RNF24: variants seen among roughly 807,000 people sequenced by gnomAD.
RNF24 encodes ring finger protein 24.
Under a neutral mutation model 20.0 loss-of-function variants are expected in RNF24, and 14 were observed. The ratio of observed to expected loss-of-function variants is 0.70; its 90% CI spans 0.46 to 1.10. The LOEUF is 1.10. Ranked by LOEUF, RNF24 falls within the 50% of genes least tolerant of loss-of-function variation. The probability of loss-of-function intolerance (pLI) is 0.00; values close to 1 mark genes in which losing one functional copy is unlikely to be tolerated. For synonymous variants in RNF24, 45 were observed against 61.1 expected (o/e 0.74, Z 1.23); for missense variants, 124 against 177.6 (o/e 0.70, Z 1.71).
intron 1 of RNF24, among the ~76,000 whole-genome samples, chr20:4,008,391 TATATATGTA>T (rs1568672501): frequency 5.5e-4 from 2 of 3,616 alleles, no homozygotes; most frequent in African/African-American, 1.8e-3. Flanking sequence ...ATATATATAT[TATATATGTA>T]ATATGTATAA....
chr20:3,994,114 A>C (rs1040204829), intron 1 of RNF24, among the ~76,000 whole-genome samples: 1 of 152,234 alleles, frequency 6.6e-6, no homozygotes, highest in Non-Finnish European at 1.5e-5. Context: ...ATTAAAATTA[A>C]TCAATGTTCA....
chr20:3,963,956 G>A lies in RNF24; in HGVS notation c.62C>T (p.Pro21Leu), dbSNP rs201287302. The A allele has an allele frequency of 6.2e-7, 1 of 1,612,784 alleles. No individual in the cohort carries two copies. Among genetic ancestry groups the A allele is most frequent in the East Asian group, 2.2e-5 (1 of 44,826 alleles). ...RMPNIGFQNLPLNIYIVVFGT... is the reference protein window; with the variant it reads ...RMPNIGFQNLLLNIYIVVFGT... The stretch of plus-strand genomic sequence containing the variant: ...AAAAACCACAATATATATGTTGAGA[G>A]GCAGATTCTGGAATCCAATATTAGG... The change falls in exon 2 of 6, where the codon CCT (proline) becomes CTT (leucine). Residue 21 changes from proline (P) to leucine (L), a missense_variant. Physicochemically the swap from Pro to Leu is moderately conservative, Grantham distance 98. Coordinates refer to ENST00000358395, the MANE Select transcript of RNF24 (RefSeq NM_001134337.3).
chr20:4,010,615 C>T (rs1443321825), intron 1 of RNF24, among the ~76,000 whole-genome samples: 8 of 152,104 alleles, frequency 5.3e-5, no homozygotes, highest in Admixed American at 4.6e-4. Context: ...ACCTGACAGC[C>T]GTCATGTTGG....
chr20:3,934,180 C>T lies in RNF24; in HGVS notation c.330G>A (p.Glu110=), dbSNP rs760071792. The change falls in exon 6 of 6, where the codon GAG becomes GAA. Residue 110 remains glutamate, a synonymous_variant. Transcript: ENST00000358395. The surrounding 1 kb of genome is among the most constrained non-coding windows in gnomAD (Gnocchi z 4.0). ...FHRKCLIKWL[E]VRKVCPLCNM... is the part of the protein sequence containing the mutation. The stretch of plus-strand genomic sequence containing the variant: ...TGCACAGGGGACACACTTTACGAAC[C>T]TCCAGCCACTTAATAAGGCACCTGC... 5 of 1,607,014 alleles carry T rather than the reference C, an allele frequency of 3.1e-6. No homozygotes were observed. In the Admixed American group the frequency reaches 8.4e-5, roughly 27 times the overall value.
chr20:3,986,904 C>CT (rs1166447450), intron 1 of RNF24, among the ~76,000 whole-genome samples: 4 of 151,570 alleles, frequency 2.6e-5, no homozygotes, highest in Admixed American at 1.3e-4. Context: ...CCACCTTGGC[C>CT]TTTTTTTTCT....
chr20:3,943,773 G>A (rs761196741), intron 4 of RNF24, among the ~76,000 whole-genome samples: 10 of 152,158 alleles, frequency 6.6e-5, no homozygotes, highest in Non-Finnish European at 1.3e-4. Flanking sequence ...CAGTAAGGAA[G>A]ACTTCTGTTC....
chr20:3,933,106 T>C lies in RNF24; in HGVS notation c.*957A>G, dbSNP rs1430322589. 1.0e-5 allele frequency: 3 copies of C among 292,888 alleles called. No individual in the cohort carries two copies. The highest frequency in any genetic ancestry group is 7.3e-5 in the Admixed American group (1 of 13,654). 18.1% of individuals were successfully genotyped at this position (292,888 alleles called of 1,614,324 possible). On this transcript the variant is annotated 3_prime_UTR_variant, in exon 6 of 6. Transcript: ENST00000358395. ...TTTTTTTCTGAAGTAGAAAGAGAGATAGGGCAAGAGAGAGAAGAGATGGAA... is the reference window on the plus strand; with the variant it reads ...TTTTTTTCTGAAGTAGAAAGAGAGACAGGGCAAGAGAGAGAAGAGATGGAA...
intron 1 of RNF24, among the ~76,000 whole-genome samples, chr20:3,973,482 A>G (rs1204321124): frequency 7.2e-6 from 1 of 138,074 alleles, no homozygotes; most frequent in African/African-American, 2.7e-5. Flanking sequence ...AACACTGACA[A>G]ATCTCTAGGA....
chr20:3,962,195 A>C (rs1357239091), intron 2 of RNF24, among the ~76,000 whole-genome samples: 1 of 152,080 alleles, frequency 6.6e-6, no homozygotes, highest in Non-Finnish European at 1.5e-5. Flanking sequence ...TCTACCAAAA[A>C]TACAAAAAAA....
intron 2 of RNF24, among the ~76,000 whole-genome samples, chr20:3,962,589 G>A (rs2091214417): frequency 6.6e-6 from 1 of 151,988 alleles, no homozygotes; most frequent in Non-Finnish European, 1.5e-5. Context: ...CTTAAAAGTG[G>A]CAGTACTTTT....
intron 2 of RNF24, among the ~76,000 whole-genome samples, chr20:3,954,161 T>TC (rs2091115172): frequency 6.6e-6 from 1 of 152,200 alleles, no homozygotes; most frequent in Non-Finnish European, 1.5e-5. Flanking sequence ...CACAATGTTG[T>TC]CCATCTACCA....
chr20:3,992,260 C>T lies in RNF24; in HGVS notation c.-8+23177G>A, dbSNP rs141568788. On this transcript the variant is annotated intron_variant, in intron 1 of 5. Transcript: ENST00000358395. ...TCTTTTGGTTTTGGCATTAGACTGACATTTTTGGAGAAAACTCTGATTGAG... is the reference window on the plus strand; with the variant it reads ...TCTTTTGGTTTTGGCATTAGACTGATATTTTTGGAGAAAACTCTGATTGAG... Among the ~76,000 whole-genome samples, 224 of 152,306 alleles carry T rather than the reference C, an allele frequency of 1.5e-3. 1 individual carries two copies. Among genetic ancestry groups the T allele is most frequent in the African/African-American group, 5.2e-3 (217 of 41,562 alleles).
chr20:3,934,954 A>C lies in RNF24; in HGVS notation c.308+40T>G. The stretch of plus-strand genomic sequence containing the variant: ...CAAAAGAAGTTGGTTGATGTGCCTC[A>C]AACTCGGGTCCCATTAAGTAATTCC... On this transcript the variant is annotated intron_variant, in intron 5 of 5. Transcript: ENST00000358395. This position sits in a 1 kb window ranked among gnomAD's most constrained non-coding sequence, Gnocchi z 4.0. 6.4e-7 allele frequency: 1 copy of C among 1,571,980 alleles called. No homozygotes were observed. Among genetic ancestry groups the C allele is most frequent in the Non-Finnish European group, 8.8e-7 (1 of 1,142,000 alleles).
chr20:3,965,191 A>G (rs182156861), intron 1 of RNF24, among the ~76,000 whole-genome samples: 20 of 152,340 alleles, frequency 1.3e-4, no homozygotes, highest in Admixed American at 9.1e-4. Context: ...CAATGGAATT[A>G]TAACTATGAA....
rs1229491347 is a variant in RNF24 at position 3,937,414 on chromosome 20, C to T, written c.229-2341G>A. ...CAATGAGATTGTTTCTCCAGTGTGA[C>T]TTCCCATCACCATTAAAAAACTGAG... On this transcript the variant is annotated intron_variant, in intron 4 of 5. Transcript: ENST00000358395. 2.6e-5 allele frequency among the ~76,000 whole-genome samples: 4 copies of T among 152,164 alleles called. 1 individual carries two copies. The highest frequency in any genetic ancestry group is 9.7e-5 in the African/African-American group (4 of 41,442).
At chr20:3,946,407 T>C (rs757515265) in intron 3 of RNF24, among the ~76,000 whole-genome samples, 5 of 151,866 alleles carry the variant, frequency 3.3e-5, no homozygotes, top group Non-Finnish European at 4.4e-5. Flanking sequence ...TGAGCTGAGA[T>C]TGCACCACTG....
intron 1 of RNF24, among the ~76,000 whole-genome samples, chr20:3,971,113 C>T (rs1325392252): frequency 1.3e-5 from 2 of 151,816 alleles, no homozygotes; most frequent in Non-Finnish European, 2.9e-5. Flanking sequence ...GTTAAAACAA[C>T]ACTAAAAAAT....
chr20:3,967,651 G>A (rs1404595259), intron 1 of RNF24, among the ~76,000 whole-genome samples: 1 of 152,056 alleles, frequency 6.6e-6, no homozygotes, highest in Non-Finnish European at 1.5e-5. Flanking sequence ...CTGTTCCCTG[G>A]ACAATACCAT....
At chr20:3,969,896 G>A (rs1225413685) in intron 1 of RNF24, among the ~76,000 whole-genome samples, 1 of 151,016 alleles carries the variant, frequency 6.6e-6, no homozygotes, top group East Asian at 2.0e-4. Flanking sequence ...TCAGCCTCCC[G>A]AGTAGCTGGG....
Sources: allele counts gnomAD v4.1 joint callset (sites outside exome capture counted in the v4.1 genomes callset), GRCh38; gene constraint gnomAD v4.1.1; non-coding constraint Gnocchi (gnomAD v3.1); transcripts MANE v1.5; gene names NCBI Gene and HGNC (gene_info 2026-07-23, HGNC 2026-07-21).